The following ZNF407 variants were observed in gnomAD, a reference collection of about 807,000 sequenced individuals.
ZNF407 encodes the protein zinc finger protein 407.
Under a neutral mutation model 131.2 loss-of-function variants are expected in ZNF407, and 17 were observed. That is an observed-to-expected ratio of 0.13 (90% CI 0.09 to 0.19). ZNF407 has a LOEUF of 0.19. ZNF407 is among the 10% of genes least tolerant of loss of function. ZNF407 has a pLI of 1.00. For missense variants in ZNF407, 2,681 were observed against 2,830.6 expected (o/e 0.95, Z 1.20); for synonymous variants, 1,156 against 1,062.0 (o/e 1.09, Z -1.72).
At chr18:74,857,923 TCTCCCCTCCC>T (rs377479278) in intron 4 of ZNF407, among the ~76,000 whole-genome samples, 267 of 85,816 alleles carry the variant, frequency 3.1e-3, no homozygotes, top group African/African-American at 0.012. Context: ...CCTCCCCTCC[TCTCCCCTCCC>T]CTCCCCTCCC....
intron 8 of ZNF407, among the ~76,000 whole-genome samples, chr18:75,025,161 A>G (rs1318432162): frequency 1.3e-5 from 2 of 152,210 alleles, no homozygotes; most frequent in Non-Finnish European, 2.9e-5. Context: ...GGAATGCACA[A>G]ATTAACACTT....
intron 3 of ZNF407, among the ~76,000 whole-genome samples, chr18:74,687,930 A>G (rs1472913042): frequency 6.6e-6 from 1 of 152,176 alleles, no homozygotes; most frequent in African/African-American, 2.4e-5. Flanking sequence ...CTTTTGTAGT[A>G]ATTATAGAAT....
chr18:74,679,567 A>G (rs187060914), intron 3 of ZNF407, among the ~76,000 whole-genome samples: 5 of 152,346 alleles, frequency 3.3e-5, no homozygotes, highest in Admixed American at 1.3e-4. Context: ...TAATGGTGAC[A>G]TAATCTCTTC....
chr18:74,618,422 G>C (rs1326880611), intron 1 of ZNF407, among the ~76,000 whole-genome samples: 1 of 152,188 alleles, frequency 6.6e-6, no homozygotes, highest in Non-Finnish European at 1.5e-5. Context: ...CGAACCATAG[G>C]TAACTTTCTT....
chr18:74,969,457 A>G (rs1475276984), intron 8 of ZNF407, among the ~76,000 whole-genome samples: 2 of 152,202 alleles, frequency 1.3e-5, no homozygotes, highest in East Asian at 1.9e-4. Flanking sequence ...GTTATGGGCC[A>G]TGGTTCCAGT....
intron 8 of ZNF407, among the ~76,000 whole-genome samples, chr18:74,930,438 C>T (rs567982063): frequency 1.2e-4 from 19 of 152,214 alleles, no homozygotes; most frequent in African/African-American, 4.3e-4. Flanking sequence ...TTTCAGACCA[C>T]GAAAATAGCC....
At chr18:74,725,162 G>A (rs1407099239) in intron 3 of ZNF407, among the ~76,000 whole-genome samples, 3 of 152,104 alleles carry the variant, frequency 2.0e-5, no homozygotes, top group Admixed American at 1.3e-4. Context: ...TTGAGACAGA[G>A]TTTCACTCCT....
intron 4 of ZNF407, among the ~76,000 whole-genome samples, chr18:74,803,659 T>C (rs1328857114): frequency 1.3e-5 from 2 of 152,228 alleles, no homozygotes; most frequent in Non-Finnish European, 2.9e-5. Flanking sequence ...TTTTAAAGAA[T>C]GGGTCAGTCT....
At chr18:75,030,983 A>C (rs1241539675) in intron 8 of ZNF407, among the ~76,000 whole-genome samples, 1 of 152,228 alleles carries the variant, frequency 6.6e-6, no homozygotes, top group African/African-American at 2.4e-5. Flanking sequence ...TGTTTATTCA[A>C]GGTCAGTTTA....
chr18:74,698,011 A>G (rs1366433888), intron 3 of ZNF407, among the ~76,000 whole-genome samples: 1 of 152,206 alleles, frequency 6.6e-6, no homozygotes, highest in Non-Finnish European at 1.5e-5. Flanking sequence ...ATCAGTGGCA[A>G]CATCATATCA....
chr18:75,064,347 A>G lies in ZNF407; in HGVS notation c.6626A>G (p.Glu2209Gly). 6.3e-7 allele frequency: 1 copy of G among 1,589,750 alleles called. No homozygotes were observed. Among genetic ancestry groups the G allele is most frequent in the Non-Finnish European group, 8.6e-7 (1 of 1,169,010 alleles). ...CAGGCCGGGGCCACGCTAGGCACAG[A>G]GGCCGGGGCCCCAAGCAGGGCAGAG... ...LLQAGATLGT[E>G]AGAPSRAEQL... Residue 2209 changes from glutamate (E) to glycine (G), a missense_variant, in exon 9 of 9, where the codon GAG becomes GGG. Around this residue, in one of 6 missense-constraint regions of ZNF407, gnomAD observed 620 missense variants for 583.1 expected, o/e 1.06. Coordinates refer to ENST00000299687, the MANE Select transcript of ZNF407 (RefSeq NM_017757.3).
chr18:74,787,279 G>C (rs1277403089), intron 4 of ZNF407, among the ~76,000 whole-genome samples: 1 of 152,196 alleles, frequency 6.6e-6, no homozygotes, highest in African/African-American at 2.4e-5. Flanking sequence ...TGTGGAGATA[G>C]GAGATACACC....
rs60651194 is a variant in ZNF407, at chr18:74,911,749, A to G, written c.5250-8765A>G. On this transcript the variant is annotated intron_variant, in intron 7 of 8. Transcript: ENST00000299687. The stretch of plus-strand genomic sequence containing the variant: ...GAAGCCATCCATGGCACACACAAAA[A>G]TACGCATTCTAAAATAGTGAGCGAT... Among the ~76,000 whole-genome samples, 1,187 of 152,300 alleles carry G rather than the reference A, an allele frequency of 7.8e-3. 14 individuals are homozygous for G. The highest frequency in any genetic ancestry group is 0.028 in the African/African-American group (1,150 of 41,552).
At chr18:74,798,755 G>T (rs1413736974) in intron 4 of ZNF407, among the ~76,000 whole-genome samples, 1 of 151,970 alleles carries the variant, frequency 6.6e-6, no homozygotes. Flanking sequence ...TTAGGCCTAT[G>T]GGCTCATTTT....
At chr18:75,000,549 G>A (rs8091636) in intron 8 of ZNF407, among the ~76,000 whole-genome samples, 25,769 of 152,122 alleles carry the variant, frequency 0.17, 2,375 homozygotes, top group Admixed American at 0.29. Flanking sequence ...ATCTGTCAAA[G>A]TTGACAATAG....
intron 8 of ZNF407, among the ~76,000 whole-genome samples, chr18:75,015,990 C>CA (rs1234852092): frequency 2.0e-5 from 3 of 151,828 alleles, no homozygotes; most frequent in East Asian, 1.9e-4. Flanking sequence ...GGTTAGATGA[C>CA]AAAAAAAGCC....
chr18:74,677,800 A>AT (rs532311631), intron 3 of ZNF407, among the ~76,000 whole-genome samples: 3 of 151,308 alleles, frequency 2.0e-5, no homozygotes, highest in East Asian at 2.0e-4. Flanking sequence ...AGTTTTGTTG[A>AT]TTTTTTTTCT....
chr18:74,616,852 T>C (rs1983314227), intron 1 of ZNF407, among the ~76,000 whole-genome samples: 1 of 138,000 alleles, frequency 7.2e-6, no homozygotes, highest in Non-Finnish European at 1.5e-5. Context: ...CACGCATCCA[T>C]ATCCACACAC....
At chr18:74,904,194 G>C (rs1356792826) in intron 7 of ZNF407, among the ~76,000 whole-genome samples, 2 of 152,142 alleles carry the variant, frequency 1.3e-5, no homozygotes, top group African/African-American at 4.8e-5. Context: ...CCCATTGTAA[G>C]GCATATAATA....
Sources: allele counts gnomAD v4.1 joint callset (sites outside exome capture counted in the v4.1 genomes callset), GRCh38; gene constraint gnomAD v4.1.1; regional missense constraint gnomAD v4.1.1; transcripts MANE v1.5; gene names NCBI Gene and HGNC (gene_info 2026-07-23, HGNC 2026-07-21).